Variants in ATRNL1 observed in about 807,000 individuals in gnomAD.
The protein encoded by ATRNL1 is attractin like 1.
Under a neutral mutation model 182.7 loss-of-function variants are expected in ATRNL1, and 95 were observed. The ratio of observed to expected loss-of-function variants is 0.52; its 90% CI spans 0.44 to 0.62. ATRNL1 has a LOEUF of 0.62. Among genes scored for constraint, ATRNL1 ranks in the 20% least tolerant of loss-of-function variants. The pLI, the probability that ATRNL1 is intolerant of heterozygous loss-of-function variation, is 0.00. For synonymous variants in ATRNL1, 576 were observed against 568.3 expected (o/e 1.01, Z -0.19); for missense variants, 1,471 against 1,679.5 (o/e 0.88, Z 2.17).
chr10:115,247,336 C>A (rs1225930391), intron 10 of ATRNL1, among the ~76,000 whole-genome samples: 3 of 152,122 alleles, frequency 2.0e-5, no homozygotes, highest in Non-Finnish European at 2.9e-5. Context: ...ACAAACAATC[C>A]ATTTTGCAAA....
At chr10:115,481,315 A>T (rs1444957730) in intron 24 of ATRNL1, among the ~76,000 whole-genome samples, 10 of 150,832 alleles carry the variant, frequency 6.6e-5, no homozygotes, top group Admixed American at 6.6e-5. Flanking sequence ...GAGCAAGGTG[A>T]TGAATATCTT....
chr10:115,587,304 G>C (rs1555010345), intron 26 of ATRNL1, among the ~76,000 whole-genome samples: 1 of 152,168 alleles, frequency 6.6e-6, no homozygotes, highest in African/African-American at 2.4e-5. Context: ...GAGCTCCCTG[G>C]CTGCTTTGTT....
Position 115,120,264 on chromosome 10 carries a change from G to A in ATRNL1, c.373G>A (p.Gly125Ser), listed in dbSNP as rs782126275. 6 of 1,510,458 alleles carry A rather than the reference G, an allele frequency of 4.0e-6. No individual in the cohort carries two copies. The highest frequency in any genetic ancestry group is 3.5e-5 in the South Asian group (3 of 86,794). 93.6% of individuals were successfully genotyped at this position (1,510,458 alleles called of 1,614,324 possible). ...YKTKCTWLIE[G>S]YPNAVLRLRF... Reference sequence around the variant, plus strand: ...AACTAAATGTACTTGGCTCATTGAAGGCTAGTAAGTATACAGTCTGAGTCA... The same window carrying A: ...AACTAAATGTACTTGGCTCATTGAAAGCTAGTAAGTATACAGTCTGAGTCA... The change falls in exon 2 of 29, where the codon GGC (glycine) becomes AGC (serine). Residue 125 changes from glycine to serine, a missense_variant. By Grantham distance (56) the Gly-to-Ser change is moderately conservative. Coordinates refer to ENST00000355044, the MANE Select transcript of ATRNL1 (RefSeq NM_207303.4).
chr10:115,564,184 C>A (rs1372866845), intron 26 of ATRNL1, among the ~76,000 whole-genome samples: 3 of 151,840 alleles, frequency 2.0e-5, no homozygotes, highest in Non-Finnish European at 2.9e-5. Context: ...TTTAGGTAAA[C>A]CATTATTAGA....
intron 26 of ATRNL1, among the ~76,000 whole-genome samples, chr10:115,632,900 T>TTTTATTTTATTTTATTTTATTTTA (rs1338816068): frequency 6.6e-6 from 1 of 151,028 alleles, no homozygotes; most frequent in Non-Finnish European, 1.5e-5. Context: ...TTTTATTTTA[T>TTTTATTTTATTTTATTTTATTTTA]TTTATTTTTT....
At chr10:115,650,098 T>C (rs560711754) in intron 26 of ATRNL1, among the ~76,000 whole-genome samples, 1 of 152,120 alleles carries the variant, frequency 6.6e-6, no homozygotes, top group Admixed American at 6.6e-5. Flanking sequence ...TGAAAGCTTG[T>C]ATCAGCCAAG....
At chr10:115,554,321 C>T (rs1192614253) in intron 26 of ATRNL1, among the ~76,000 whole-genome samples, 4 of 151,532 alleles carry the variant, frequency 2.6e-5, no homozygotes, top group South Asian at 2.1e-4. Context: ...ACAGGTCTTC[C>T]GCATGCCTAT....
rs145732239 is a variant in ATRNL1 at position 115,319,556 on chromosome 10, A to G, written c.3037+3820A>G. Among the ~76,000 whole-genome samples the G allele has an allele frequency of 5.0e-3, 767 of 152,150 alleles. 4 individuals are homozygous for G. Among genetic ancestry groups the G allele is most frequent in the African/African-American group, 0.016 (677 of 41,502 alleles). ...AGGTCTCTACAAACTTGTTTTATGA[A>G]TCTGGATGCTCCTGTATTGGGTGCA... On this transcript the variant is annotated intron_variant, in intron 18 of 28. Transcript: ENST00000355044.
At chr10:115,268,503 T>G in intron 13 of ATRNL1, 59 bp downstream of exon 13, 12 of 1,134,028 alleles carry the variant, frequency 1.1e-5, no homozygotes, top group South Asian at 2.5e-5. Flanking sequence ...TTATGATCAT[T>G]AGCTTACCAT....
chr10:115,110,248 G>A (rs1382347264), intron 1 of ATRNL1, among the ~76,000 whole-genome samples: 1 of 151,996 alleles, frequency 6.6e-6, no homozygotes, highest in African/African-American at 2.4e-5. Context: ...AGATTATTTG[G>A]GTTTTCTTAC....
At chr10:115,823,507 A>T (rs1365282436) in intron 27 of ATRNL1, among the ~76,000 whole-genome samples, 6 of 152,228 alleles carry the variant, frequency 3.9e-5, no homozygotes, top group Admixed American at 1.3e-4. Context: ...TGCAGATGAC[A>T]TGATTGTATA....
chr10:115,625,941 A>T (rs532642388), intron 26 of ATRNL1, among the ~76,000 whole-genome samples: 1 of 152,082 alleles, frequency 6.6e-6, no homozygotes, highest in Non-Finnish European at 1.5e-5. Context: ...GCATACCCTT[A>T]CTTAAACAAT....
In ATRNL1 at chr10:115,124,901, G is replaced by A. The variant is rs188393256; in HGVS notation, c.492-2692G>A. Among the ~76,000 whole-genome samples, 3 of 152,242 alleles carry A rather than the reference G, an allele frequency of 2.0e-5. No individual in the cohort carries two copies. The East Asian group carries it at 5.8e-4, about 29-fold the overall frequency. The stretch of plus-strand genomic sequence containing the variant: ...GGTATGTAAACAGATTTTTCACACA[G>A]CCTAGTTAGTGTTACAATCAGGTTA... On this transcript the variant is annotated intron_variant, in intron 3 of 28. Coordinates refer to ENST00000355044, the MANE Select transcript of ATRNL1 (RefSeq NM_207303.4).
chr10:115,450,223 A>C (rs1488562353), intron 21 of ATRNL1, among the ~76,000 whole-genome samples: 3 of 152,214 alleles, frequency 2.0e-5, no homozygotes, highest in Non-Finnish European at 4.4e-5. Flanking sequence ...AACTGGCACA[A>C]GACAAGGATG....
intron 8 of ATRNL1, among the ~76,000 whole-genome samples, chr10:115,194,908 A>G (rs1848302735): frequency 6.6e-6 from 1 of 151,876 alleles, no homozygotes; most frequent in South Asian, 2.1e-4. Context: ...TCTTATAACC[A>G]GTTATTTTAA....
At chr10:115,679,992 T>C (rs972138694) in intron 26 of ATRNL1, among the ~76,000 whole-genome samples, 7 of 152,130 alleles carry the variant, frequency 4.6e-5, no homozygotes, top group African/African-American at 1.4e-4. Context: ...TGTCTCCCAC[T>C]TTATCAAAGA....
intron 26 of ATRNL1, among the ~76,000 whole-genome samples, chr10:115,587,549 C>T (rs7076390): frequency 0.97 from 145,983 of 150,118 alleles, 71,163 homozygotes; most frequent in East Asian, 1. Flanking sequence ...CCCCTTTCTT[C>T]GACTAGGAAA....
At chr10:115,329,833 A>G (rs1554934496) in intron 18 of ATRNL1, among the ~76,000 whole-genome samples, 1 of 152,010 alleles carries the variant, frequency 6.6e-6, no homozygotes, top group East Asian at 1.9e-4. Flanking sequence ...TCATTGACTC[A>G]CTGTTTGTCT....
chr10:115,411,871 A>G (rs1845157787), intron 20 of ATRNL1, among the ~76,000 whole-genome samples: 1 of 152,072 alleles, frequency 6.6e-6, no homozygotes, highest in Non-Finnish European at 1.5e-5. Context: ...ATATTGAAAT[A>G]TTTTATATTA....
Sources: gnomAD v4.1 joint callset for allele counts (sites outside exome capture counted in the v4.1 genomes callset) on GRCh38, gnomAD v4.1.1 for gene constraint, MANE v1.5 for transcripts, NCBI Gene and HGNC (gene_info 2026-07-23, HGNC 2026-07-21) for gene names.